The following AMMECR1 variants were observed in gnomAD, a reference collection of about 807,000 sequenced individuals.
AMMECR1 encodes the protein nuclear protein AMMECR1.
A neutral mutation model predicts 22.5 loss-of-function variants in AMMECR1; 3 were observed. The ratio of observed to expected loss-of-function variants is 0.13; its 90% CI spans 0.06 to 0.35. The LOEUF (loss-of-function observed/expected upper bound fraction) is 0.35. AMMECR1 is among the 10% of genes least tolerant of loss of function. AMMECR1 has a pLI of 1.00. For missense variants in AMMECR1, 235 were observed against 278.7 expected (o/e 0.84, Z 1.12); for synonymous variants, 130 against 116.7 (o/e 1.11, Z -0.74).
chrX:110,420,235 C>T (rs1012191019), intron 2 of AMMECR1, among the ~76,000 whole-genome samples: 7 of 112,319 alleles, frequency 6.2e-5, no homozygotes, highest in African/African-American at 2.3e-4. Context: ...CGAGGAGCTT[C>T]TCAAGTGCAG....
At chrX:110,312,122 T>C (rs2068026072) in intron 1 of AMMECR1, among the ~76,000 whole-genome samples, 1 of 112,740 alleles carries the variant, frequency 8.9e-6, no homozygotes, top group Non-Finnish European at 1.9e-5. Context: ...TAATGCCTAT[T>C]GAAATCAGGA....
At chrX:110,379,007 TG>T (rs1218043363) in intron 2 of AMMECR1, among the ~76,000 whole-genome samples, 5 of 112,173 alleles carry the variant, frequency 4.5e-5, no homozygotes, top group East Asian at 2.8e-4. Context: ...AGCTTCTCCA[TG>T]GGGCCTGCTC....
At chrX:110,349,573 C>A (rs1001890799) in intron 2 of AMMECR1, among the ~76,000 whole-genome samples, 1 of 111,704 alleles carries the variant, frequency 9.0e-6, no homozygotes, top group Non-Finnish European at 1.9e-5. Flanking sequence ...GAATTTCAAC[C>A]TGGATTTATC....
chrX:110,364,261 A>G (rs2068282615), intron 2 of AMMECR1, among the ~76,000 whole-genome samples: 1 of 111,621 alleles, frequency 9.0e-6, no homozygotes, highest in South Asian at 3.8e-4. Flanking sequence ...TTTACAGCCC[A>G]CCCTAATCCA....
At chrX:110,297,275 C>A (rs778421778) in intron 1 of AMMECR1, among the ~76,000 whole-genome samples, 3 of 111,925 alleles carry the variant, frequency 2.7e-5, no homozygotes, top group Non-Finnish European at 5.6e-5. Context: ...AAGTCAGCCA[C>A]CTCAGGCAGA....
intron 2 of AMMECR1, among the ~76,000 whole-genome samples, chrX:110,343,391 G>T (rs2068173450): frequency 9.0e-6 from 1 of 111,404 alleles, no homozygotes; most frequent in South Asian, 3.8e-4. Context: ...ATATAATACT[G>T]AATGGGCAAA....
At position 110,368,514 on chromosome X, in the gene AMMECR1, T is replaced by A. The variant is rs141445752; in HGVS notation, c.-147-50665A>T. 8.2e-3 allele frequency among the ~76,000 whole-genome samples: 919 copies of A among 112,221 alleles called. 5 individuals carry two copies. Among genetic ancestry groups the A allele is most frequent in the African/African-American group, 0.028 (859 of 30,930 alleles). ...GATGTTTCTTCCTCATAGAGTGTCA[T>A]GCTTATTCACTTGCTTCTGTCAAAT... On this transcript the variant is annotated intron_variant, in intron 2 of 7. Coordinates refer to the AMMECR1 transcript ENST00000372057.
At chrX:110,234,634 A>G (rs1602808287) in intron 2 of AMMECR1, among the ~76,000 whole-genome samples, 2 of 111,994 alleles carry the variant, frequency 1.8e-5, no homozygotes, top group Middle Eastern at 9.2e-3. Flanking sequence ...AAACAGAGAT[A>G]TAGACCAATG....
In AMMECR1 at chrX:110,197,764, T is replaced by C. The variant is rs2067377702; in HGVS notation, c.*756A>G. 8.9e-6 allele frequency: 1 copy of C among 112,046 alleles called. No individual in the cohort carries two copies. The highest frequency in any genetic ancestry group is 3.3e-5 in the African/African-American group (1 of 30,730). 9.2% of individuals were successfully genotyped at this position (112,046 alleles called of 1,213,427 possible). On this transcript the variant is annotated 3_prime_UTR_variant, in exon 6 of 6. Coordinates refer to ENST00000262844, the MANE Select transcript of AMMECR1 (RefSeq NM_015365.3). ...TCCAAACAGTGTTTTAGTTTGCAAA[T>C]TGGTTCTATAAAGTGGTGAGGCAGT...
intron 2 of AMMECR1, among the ~76,000 whole-genome samples, chrX:110,426,407 C>T (rs771689497): frequency 2.1e-4 from 23 of 111,612 alleles, no homozygotes; most frequent in Non-Finnish European, 3.2e-4. Context: ...TGCTTGCCCA[C>T]GGAGGAGACT....
chrX:110,377,144 A>G (rs2068382415), intron 2 of AMMECR1, among the ~76,000 whole-genome samples: 1 of 111,775 alleles, frequency 8.9e-6, no homozygotes, highest in African/African-American at 3.3e-5. Flanking sequence ...TACAGGAGAT[A>G]ACTGCCCAAG....
At chrX:110,255,892 A>T (rs1247138055) in intron 2 of AMMECR1, among the ~76,000 whole-genome samples, 1 of 112,292 alleles carries the variant, frequency 8.9e-6, no homozygotes, top group Non-Finnish European at 1.9e-5. Flanking sequence ...ACCAAGTGTA[A>T]ATCTGTACCT....
chrX:110,370,833 C>T (rs1036020228), intron 2 of AMMECR1, among the ~76,000 whole-genome samples: 2 of 111,952 alleles, frequency 1.8e-5, no homozygotes, highest in Non-Finnish European at 3.8e-5. Flanking sequence ...ATTTTCAGGC[C>T]AGTTTTGGAC....
At chrX:110,433,107 C>T (rs1418167545) in intron 1 of AMMECR1, among the ~76,000 whole-genome samples, 4 of 112,465 alleles carry the variant, frequency 3.6e-5, no homozygotes, top group Non-Finnish European at 7.5e-5. Context: ...GAGAACCTGT[C>T]AGCTGTGGCT....
At chrX:110,366,681 G>A (rs1370158047) in intron 2 of AMMECR1, among the ~76,000 whole-genome samples, 1 of 111,322 alleles carries the variant, frequency 9.0e-6, no homozygotes, top group Non-Finnish European at 1.9e-5. Flanking sequence ...CTGCTTTCAT[G>A]TGATTTGAAT....
At chrX:110,354,114 A>G (rs1306557061) in intron 2 of AMMECR1, among the ~76,000 whole-genome samples, 2 of 112,182 alleles carry the variant, frequency 1.8e-5, no homozygotes, top group African/African-American at 3.2e-5. Flanking sequence ...TACAGATTCA[A>G]TGAAATTCCT....
At chrX:110,381,095 A>G (rs2068415455) in intron 2 of AMMECR1, among the ~76,000 whole-genome samples, 1 of 112,253 alleles carries the variant, frequency 8.9e-6, no homozygotes, top group Admixed American at 9.4e-5. Flanking sequence ...GACAGGTGGG[A>G]TCTAATTAAA....
chrX:110,382,830 G>T (rs1041415241), intron 2 of AMMECR1, among the ~76,000 whole-genome samples: 3 of 111,911 alleles, frequency 2.7e-5, no homozygotes, highest in African/African-American at 9.8e-5. Context: ...TTCTCAGCTG[G>T]ACCAGGCTTC....
At chrX:110,306,250 C>A (rs914550551) in intron 1 of AMMECR1, among the ~76,000 whole-genome samples, 1 of 110,113 alleles carries the variant, frequency 9.1e-6, no homozygotes, top group East Asian at 2.8e-4. Flanking sequence ...GCCAAGATCA[C>A]GCCACTGCAC....
Sources: allele counts gnomAD v4.1 joint callset (sites outside exome capture counted in the v4.1 genomes callset), GRCh38; gene constraint gnomAD v4.1.1; transcripts MANE v1.5; gene names NCBI Gene and HGNC (gene_info 2026-07-23, HGNC 2026-07-21).